KATNA1: variants seen among roughly 807,000 people sequenced by gnomAD.
KATNA1 encodes katanin p60 ATPase-containing subunit A1.
KATNA1 carries 42 observed loss-of-function variants against 62.6 expected under a neutral mutation model. The ratio of observed to expected loss-of-function variants is 0.67; its 90% CI spans 0.52 to 0.87. The LOEUF (loss-of-function observed/expected upper bound fraction) is 0.87, where lower values mean the gene tolerates loss of function less well. Ranked by LOEUF, KATNA1 falls within the 40% of genes least tolerant of loss-of-function variation. The probability of loss-of-function intolerance (pLI) is 0.00; values close to 1 mark genes in which losing one functional copy is unlikely to be tolerated. For missense variants in KATNA1, 498 were observed against 612.5 expected (o/e 0.81, Z 1.97); for synonymous variants, 186 against 201.9 (o/e 0.92, Z 0.67).
In KATNA1 at chr6:149,623,599, G is replaced by A. The variant is rs182010895; in HGVS notation, c.321-316C>T. 1.1e-4 allele frequency among the ~76,000 whole-genome samples: 16 copies of A among 152,168 alleles called. No individual in the cohort carries two copies. The East Asian group carries it at 2.7e-3, about 26-fold the overall frequency. Reference sequence around the variant, plus strand: ...TAAAAATACAAAAAATTAGCCAGGCGTGGTGGTGTGCACCTGTAATCCCAG... The same window carrying A: ...TAAAAATACAAAAAATTAGCCAGGCATGGTGGTGTGCACCTGTAATCCCAG... On this transcript the variant is annotated intron_variant, in intron 3 of 10. Coordinates refer to ENST00000367411, the MANE Select transcript of KATNA1 (RefSeq NM_007044.4).
At chr6:149,634,270 C>A (rs1779974238) in intron 2 of KATNA1, among the ~76,000 whole-genome samples, 2 of 66,886 alleles carry the variant, frequency 3.0e-5, no homozygotes, top group African/African-American at 8.2e-5. Context: ...AAGACTCCAT[C>A]TCAAAAAAAT....
At chr6:149,614,255 C>T (rs563393207) in intron 4 of KATNA1, among the ~76,000 whole-genome samples, 1 of 152,134 alleles carries the variant, frequency 6.6e-6, no homozygotes, top group Non-Finnish European at 1.5e-5. Flanking sequence ...TTTTGATTGC[C>T]GAATGCAGCT....
chr6:149,635,204 G>A (rs1780023358), intron 2 of KATNA1, among the ~76,000 whole-genome samples: 1 of 152,064 alleles, frequency 6.6e-6, no homozygotes, highest in African/African-American at 2.4e-5. Context: ...TTGAGCCTGA[G>A]GAGTTAAGGC....
chr6:149,595,589 G>T (rs972551485), intron 10 of KATNA1, among the ~76,000 whole-genome samples: 1 of 151,716 alleles, frequency 6.6e-6, no homozygotes, highest in Non-Finnish European at 1.5e-5. Context: ...CTGTTAACAA[G>T]AAAATTAAAT....
intron 4 of KATNA1, among the ~76,000 whole-genome samples, chr6:149,610,099 CAAAAAAA>C (rs958933815): frequency 4.0e-5 from 2 of 50,214 alleles, no homozygotes; most frequent in Admixed American, 2.2e-4. Context: ...AACTCCGTCT[CAAAAAAA>C]AAAAAAAAAA....
At chr6:149,603,121 T>C (rs1447307924) in intron 6 of KATNA1, 147 bp downstream of exon 6, 1 of 468,372 alleles carries the variant, frequency 2.1e-6, no homozygotes, top group African/African-American at 2.0e-5. Flanking sequence ...CTAACAAAAT[T>C]CTCAGTAGCA....
chr6:149,618,920 G>C (rs1334947026), intron 4 of KATNA1, among the ~76,000 whole-genome samples: 1 of 152,152 alleles, frequency 6.6e-6, no homozygotes, highest in Non-Finnish European at 1.5e-5. Context: ...ATTGGTCTGG[G>C]CCAAGATTTT....
At chr6:149,639,121 G>A (rs938635614) in intron 1 of KATNA1, among the ~76,000 whole-genome samples, 73 of 152,120 alleles carry the variant, frequency 4.8e-4, no homozygotes, top group African/African-American at 1.3e-3. Flanking sequence ...CCAATATGGC[G>A]AAACCCTGTC....
chr6:149,595,662 A>T (rs981449276), intron 10 of KATNA1, among the ~76,000 whole-genome samples: 11 of 140,774 alleles, frequency 7.8e-5, no homozygotes, highest in African/African-American at 3.0e-4. Flanking sequence ...CATTTGTGTT[A>T]AAAAAAAAAA....
chr6:149,619,505 C>T (rs181435838), intron 4 of KATNA1, among the ~76,000 whole-genome samples: 151 of 151,790 alleles, frequency 9.9e-4, no homozygotes, highest in African/African-American at 3.6e-3. Context: ...TGCAGCTACT[C>T]AGGAGGCTGA....
Position 149,627,114 on chromosome 6 carries a change from G to A in KATNA1, c.321-3831C>T, listed in dbSNP as rs1365288270. Among the ~76,000 whole-genome samples the A allele has an allele frequency of 2.6e-5, 4 of 151,790 alleles. No homozygotes were observed. The South Asian group carries it at 6.2e-4, about 24-fold the overall frequency. On this transcript the variant is annotated intron_variant, in intron 3 of 10. Transcript: ENST00000367411. ...GCTATCAAGAAGAATAAAGAAGGGG[G>A]CCAGGCATGGTGGCTCATGCCTGTA...
chr6:149,618,454 G>C (rs1194229931), intron 4 of KATNA1, among the ~76,000 whole-genome samples: 1 of 151,920 alleles, frequency 6.6e-6, no homozygotes, highest in East Asian at 1.9e-4. Flanking sequence ...CTCCAGACTG[G>C]GTGATAGAGC....
intron 4 of KATNA1, among the ~76,000 whole-genome samples, chr6:149,622,878 G>A (rs552448277): frequency 2.6e-5 from 4 of 151,766 alleles, no homozygotes; most frequent in Admixed American, 6.6e-5. Flanking sequence ...ATGTGGTGGC[G>A]CCCACTTGTA....
At chr6:149,605,043 G>A (rs190427043) in intron 4 of KATNA1, among the ~76,000 whole-genome samples, 242 of 151,756 alleles carry the variant, frequency 1.6e-3, no homozygotes, top group African/African-American at 5.5e-3. Flanking sequence ...GCATGGTGGC[G>A]GCACCTGTAG....
chr6:149,601,516 T>C (rs1582753636), intron 7 of KATNA1, 78 bp downstream of exon 7: 1 of 1,287,082 alleles, frequency 7.8e-7, no homozygotes. Context: ...AACTATTCCA[T>C]ATACTGGAGA....
rs1324406204 is a variant in KATNA1 at position 149,632,885 on chromosome 6, T to G, written c.194A>C (p.His65Pro). ...VWQEINVEAK[H>P]VKDIMKTLES... Reference sequence around the variant, plus strand: ...TAGTGTTTTCATGATATCTTTAACATGTTTAGCTTCCACATTTATTTCCTG... The same window carrying G: ...TAGTGTTTTCATGATATCTTTAACAGGTTTAGCTTCCACATTTATTTCCTG... Residue 65 changes from histidine to proline, a missense_variant, in exon 3 of 11, where the codon CAT (histidine) becomes CCT (proline). Around this residue, in one of 3 missense-constraint regions of KATNA1, gnomAD observed 203 missense variants for 198.4 expected, o/e 1.02. Transcript: ENST00000367411. 1.2e-6 allele frequency: 2 copies of G among 1,608,150 alleles called. No homozygotes were observed. The highest frequency in any genetic ancestry group is 1.1e-5 in the South Asian group (1 of 89,596).
At chr6:149,616,694 C>A (rs368977943) in intron 4 of KATNA1, among the ~76,000 whole-genome samples, 1 of 151,924 alleles carries the variant, frequency 6.6e-6, no homozygotes, top group South Asian at 2.1e-4. Flanking sequence ...GCGGAGGGTG[C>A]GGTGAGCCAA....
intron 7 of KATNA1, among the ~76,000 whole-genome samples, chr6:149,600,478 C>G (rs936572648): frequency 2.0e-5 from 3 of 151,828 alleles, no homozygotes; most frequent in East Asian, 1.9e-4. Context: ...ACTAAAAATA[C>G]AAAAATTAGC....
chr6:149,643,983 T>C (rs1780386579), intron 1 of KATNA1, among the ~76,000 whole-genome samples: 1 of 152,004 alleles, frequency 6.6e-6, no homozygotes, highest in Non-Finnish European at 1.5e-5. Flanking sequence ...CCACCATGCC[T>C]GGCCAGGTTT....
Sources: gnomAD v4.1 joint callset for allele counts (sites outside exome capture counted in the v4.1 genomes callset) on GRCh38, gnomAD v4.1.1 for gene constraint, gnomAD v4.1.1 regional missense constraint, MANE v1.5 for transcripts, NCBI Gene and HGNC (gene_info 2026-07-23, HGNC 2026-07-21) for gene names.